Variants in MCTP2 observed in about 807,000 individuals in gnomAD.
MCTP2 encodes the protein multiple C2 and transmembrane domain containing 2.
Under a neutral mutation model 111.6 loss-of-function variants are expected in MCTP2, and 132 were observed. The observed-to-expected ratio is 1.18, with a 90% CI of 1.03 to 1.37. The LOEUF (loss-of-function observed/expected upper bound fraction) is 1.37, where lower values mean the gene tolerates loss of function less well. Ranked by LOEUF, MCTP2 falls within the 40% of genes most tolerant of loss-of-function variation. The pLI, the probability that MCTP2 is intolerant of heterozygous loss-of-function variation, is 0.00. For synonymous variants in MCTP2, 395 were observed against 387.7 expected, an observed-to-expected ratio of 1.02 and a Z score of -0.22; for missense variants, 1,183 against 1,067.9, an observed-to-expected ratio of 1.11 and a Z score of -1.50.
intron 12 of MCTP2, among the ~76,000 whole-genome samples, chr15:94,379,879 C>A (rs28508868): frequency 0.15 from 21,885 of 143,994 alleles, 3,092 homozygotes; most frequent in East Asian, 0.38. Flanking sequence ...ATAATCTATA[C>A]TTATATATAA....
At chr15:94,398,936 G>C (rs762461122) in intron 14 of MCTP2, 25 bp from the exon 15 acceptor site, 1 of 1,388,242 alleles carries the variant, frequency 7.2e-7, no homozygotes, top group South Asian at 1.2e-5. Context: ...GCACCAATGT[G>C]TATTTTGTCT....
At chr15:94,432,191 TG>T (rs1312379852) in intron 17 of MCTP2, among the ~76,000 whole-genome samples, 1 of 152,140 alleles carries the variant, frequency 6.6e-6, no homozygotes, top group African/African-American at 2.4e-5. Flanking sequence ...TTTGGGTTGG[TG>T]GCAAGGAAGG....
At chr15:94,346,464 T>C (rs1435623772) in intron 8 of MCTP2, among the ~76,000 whole-genome samples, 1 of 152,168 alleles carries the variant, frequency 6.6e-6, no homozygotes, top group African/African-American at 2.4e-5. Flanking sequence ...AGAACATCAT[T>C]TCTCACCACA....
intron 4 of MCTP2, among the ~76,000 whole-genome samples, chr15:94,334,457 C>G (rs1383719637): frequency 6.6e-6 from 1 of 152,134 alleles, no homozygotes; most frequent in African/African-American, 2.4e-5. Flanking sequence ...TAATAATATA[C>G]TCATAGGTGG....
At chr15:94,436,378 TA>T (rs1427928887) in intron 17 of MCTP2, among the ~76,000 whole-genome samples, 3 of 152,200 alleles carry the variant, frequency 2.0e-5, no homozygotes, top group Admixed American at 6.5e-5. Flanking sequence ...CTAAAAAAAA[TA>T]TTTTTCTGGG....
At chr15:94,314,791 A>G (rs1382809477) in intron 3 of MCTP2, 5 of 455,646 alleles carry the variant, frequency 1.1e-5, no homozygotes, top group Non-Finnish European at 2.2e-5. Context: ...ATTCAAAAAC[A>G]GACTTGAATT....
intron 17 of MCTP2, among the ~76,000 whole-genome samples, chr15:94,430,614 G>C (rs1307675685): frequency 6.6e-6 from 1 of 151,446 alleles, no homozygotes; most frequent in Admixed American, 6.6e-5. Flanking sequence ...TGGGCGTCGT[G>C]GTGGGCGCCT....
At chr15:94,425,780 G>T (rs1335993983) in intron 17 of MCTP2, among the ~76,000 whole-genome samples, 1 of 152,058 alleles carries the variant, frequency 6.6e-6, no homozygotes, top group African/African-American at 2.4e-5. Context: ...GAAACTACAT[G>T]AAATGAATAA....
intron 11 of MCTP2, among the ~76,000 whole-genome samples, chr15:94,368,809 G>C (rs1038606586): frequency 1.3e-5 from 2 of 152,322 alleles, no homozygotes; most frequent in Middle Eastern, 3.4e-3. Context: ...CCAAATTCAT[G>C]AGGAGTTTTG....
chr15:94,373,964 C>T (rs1001182528), intron 12 of MCTP2, among the ~76,000 whole-genome samples: 5 of 152,130 alleles, frequency 3.3e-5, no homozygotes, highest in Non-Finnish European at 7.4e-5. Flanking sequence ...TTGACAAGAC[C>T]AACATACTTC....
intron 1 of MCTP2, among the ~76,000 whole-genome samples, chr15:94,281,447 T>C (rs1039708068): frequency 2.6e-5 from 4 of 152,218 alleles, no homozygotes; most frequent in Non-Finnish European, 4.4e-5. Flanking sequence ...AAGCTATAGA[T>C]GTTGTGGCAG....
intron 19 of MCTP2, among the ~76,000 whole-genome samples, chr15:94,448,598 G>T (rs1363337582): frequency 6.6e-6 from 1 of 152,158 alleles, no homozygotes; most frequent in East Asian, 1.9e-4. Flanking sequence ...TGATCAGCCA[G>T]CATGATGCAC....
chr15:94,367,497 C>CAG lies in MCTP2; in HGVS notation c.1302-105_1302-104dup, dbSNP rs2079252713. ...GCTGCTCAATAAACCTAAGACCAGA[C>CAG]AGAGTGAGTTTTGGGGGATGATGAA... On this transcript the variant is annotated intron_variant, in intron 10 of 22. Coordinates refer to ENST00000357742, the MANE Select transcript of MCTP2 (RefSeq NM_001385001.1). 4.7e-6 allele frequency: 4 copies of CAG among 843,924 alleles called. No individual in the cohort carries two copies. In the East Asian group the frequency reaches 1.1e-4, roughly 23 times the overall value. The allele number at this position is 843,924 out of a possible 1,614,324, so 52.3% of individuals were successfully genotyped here.
chr15:94,288,060 A>G (rs961431863), intron 1 of MCTP2, among the ~76,000 whole-genome samples: 2 of 152,198 alleles, frequency 1.3e-5, no homozygotes, highest in Non-Finnish European at 2.9e-5. Flanking sequence ...GCAGAAGCAA[A>G]AATAATGGGT....
At chr15:94,478,941 G>A (rs1266590321) in intron 22 of MCTP2, 25 bp from the exon 23 acceptor site, 2 of 1,612,220 alleles carry the variant, frequency 1.2e-6, no homozygotes, top group South Asian at 1.1e-5. Flanking sequence ...CTAACCGCCA[G>A]CATCACGGCT....
intron 21 of MCTP2, among the ~76,000 whole-genome samples, chr15:94,473,806 C>T (rs549987390): frequency 4.6e-5 from 7 of 152,204 alleles, no homozygotes; most frequent in Non-Finnish European, 1.0e-4. Flanking sequence ...TCACCCCAAC[C>T]AGTGTATTAC....
At chr15:94,394,633 C>G (rs1167132074) in intron 14 of MCTP2, among the ~76,000 whole-genome samples, 1 of 151,892 alleles carries the variant, frequency 6.6e-6, no homozygotes, top group Non-Finnish European at 1.5e-5. Flanking sequence ...GGTGTGGTGG[C>G]ATGTGCCTGT....
intron 20 of MCTP2, among the ~76,000 whole-genome samples, chr15:94,459,884 G>A (rs2085077828): frequency 6.6e-6 from 1 of 152,176 alleles, no homozygotes; most frequent in African/African-American, 2.4e-5. Context: ...TAGCTCCTTT[G>A]AGGAGCTACT....
chr15:94,351,408 A>G (rs1391436510), intron 8 of MCTP2, among the ~76,000 whole-genome samples: 1 of 152,224 alleles, frequency 6.6e-6, no homozygotes, highest in East Asian at 1.9e-4. Context: ...TCAGTGAAAC[A>G]TTTTATAGGC....
Sources: allele counts gnomAD v4.1 joint callset (sites outside exome capture counted in the v4.1 genomes callset), GRCh38; gene constraint gnomAD v4.1.1; transcripts MANE v1.5; gene names NCBI Gene and HGNC (gene_info 2026-07-23, HGNC 2026-07-21).